The following PACC1 variants were observed in gnomAD, a reference collection of about 807,000 sequenced individuals.
The protein encoded by PACC1 is proton activated chloride channel 1.
In PACC1, 34 loss-of-function variants were observed where a neutral mutation model predicts 39.7. The ratio of observed to expected loss-of-function variants is 0.86; its 90% CI spans 0.65 to 1.14. The LOEUF (loss-of-function observed/expected upper bound fraction) is 1.14, where lower values mean the gene tolerates loss of function less well. PACC1 is among the 50% of genes most tolerant of loss of function. The pLI, the probability that PACC1 is intolerant of heterozygous loss-of-function variation, is 0.00. For missense variants in PACC1, 379 were observed against 436.4 expected (o/e 0.87, Z 1.17); for synonymous variants, 127 against 160.6 (o/e 0.79, Z 1.58).
rs1662277546 is a variant in PACC1 at position 212,414,862 on chromosome 1, A to T, written c.-105T>A. The T allele has an allele frequency of 3.3e-6, 5 of 1,498,302 alleles. No homozygotes were observed. Among genetic ancestry groups the T allele is most frequent in the Non-Finnish European group, 4.6e-6 (5 of 1,091,368 alleles). 92.8% of individuals were successfully genotyped at this position (1,498,302 alleles called of 1,614,324 possible). On this transcript the variant is annotated 5_prime_UTR_variant, in exon 1 of 8. Transcript: ENST00000261455. Reference sequence around the variant, plus strand: ...GGACCTACCGGCTCCGCGAGGCGAAACCGGTCCGGAGGGGCGTCCCAGAGA... The same window carrying T: ...GGACCTACCGGCTCCGCGAGGCGAATCCGGTCCGGAGGGGCGTCCCAGAGA...
At chr1:212,365,412 T>A in intron 7 of PACC1, 36 bp from the exon 8 acceptor site, 1 of 1,560,788 alleles carries the variant, frequency 6.4e-7, no homozygotes, top group Non-Finnish European at 8.6e-7. Context: ...GATTACTGGT[T>A]TGCTTCAGTC....
rs747189039 is a variant in PACC1, at chr1:212,381,672, GCACAGACACACACACACACACTGCACA to G, written c.496-1662_496-1636del. ...TCCACCTTCCCAGGCCTGGGCATGT[GCACAGACACACACACACACACTGCACA>G]CACACACACACACACACACACACAC... On this transcript the variant is annotated intron_variant, in intron 4 of 7. Transcript: ENST00000261455. Among the ~76,000 whole-genome samples, 133 of 140,518 alleles carry G rather than the reference GCACAGACACACACACACACACTGCACA, an allele frequency of 9.5e-4. 3 individuals carry two copies. The highest frequency in any genetic ancestry group is 9.0e-4 in the South Asian group (4 of 4,452). 92.2% of individuals were successfully genotyped at this position (140,518 alleles called of 152,430 possible). A position where few individuals can be genotyped will look rare whatever the true frequency, so the allele number is the denominator to read the frequency against.
chr1:212,401,710 G>T (rs1308934345), intron 2 of PACC1, among the ~76,000 whole-genome samples: 1 of 129,484 alleles, frequency 7.7e-6, no homozygotes, highest in Non-Finnish European at 1.6e-5. Flanking sequence ...GTCTCCCTCT[G>T]TCACCCAGGC....
At chr1:212,394,580 G>A (rs1661444476) in intron 2 of PACC1, among the ~76,000 whole-genome samples, 1 of 152,134 alleles carries the variant, frequency 6.6e-6, no homozygotes, top group Non-Finnish European at 1.5e-5. Flanking sequence ...TGGAAGTTCT[G>A]GCCAGGGCAA....
At chr1:212,374,997 T>A (rs532032722) in intron 7 of PACC1, among the ~76,000 whole-genome samples, 196 bp downstream of exon 7, 1 of 152,262 alleles carries the variant, frequency 6.6e-6, no homozygotes, top group East Asian at 1.9e-4. Flanking sequence ...ATATATAACA[T>A]TGATGTCATA....
chr1:212,380,389 T>C lies in PACC1; in HGVS notation c.496-352A>G, dbSNP rs890820421. ...CTTTTAACTTTGTTTCCAATGTCATTTGTCCTATGGAAACTTTAAATTTAA... is the reference window on the plus strand; with the variant it reads ...CTTTTAACTTTGTTTCCAATGTCATCTGTCCTATGGAAACTTTAAATTTAA... On this transcript the variant is annotated intron_variant, in intron 4 of 7. Transcript: ENST00000261455. Among the ~76,000 whole-genome samples the C allele has an allele frequency of 7.9e-5, 12 of 152,238 alleles. No individual in the cohort carries two copies. In the South Asian group the frequency reaches 1.0e-3, roughly 13 times the overall value.
rs1472780139 is a variant in PACC1 at position 212,364,147 on chromosome 1, T to C, written c.*1068A>G. ...CCTTAATGTGAAAAATAGACTTTTT[T>C]TTAATGCATACTCATTTCTGTCAAA... On this transcript the variant is annotated 3_prime_UTR_variant, in exon 8 of 8. Coordinates refer to ENST00000261455, the MANE Select transcript of PACC1 (RefSeq NM_018252.3). 1 of 152,358 alleles carries C rather than the reference T, an allele frequency of 6.6e-6. No homozygotes were observed. Among genetic ancestry groups the C allele is most frequent in the East Asian group, 1.9e-4 (1 of 5,182 alleles). The allele number at this position is 152,358 out of a possible 1,614,324, so 9.4% of individuals were successfully genotyped here. A position where few individuals can be genotyped will look rare whatever the true frequency, so the allele number is the denominator to read the frequency against.
At chr1:212,397,972 T>C (rs1197889407) in intron 2 of PACC1, among the ~76,000 whole-genome samples, 1 of 152,222 alleles carries the variant, frequency 6.6e-6, no homozygotes, top group Non-Finnish European at 1.5e-5. Flanking sequence ...GACAAGTTAC[T>C]CAGTGCTCCT....
At chr1:212,389,762 T>G (rs1191902787) in intron 2 of PACC1, among the ~76,000 whole-genome samples, 1 of 152,092 alleles carries the variant, frequency 6.6e-6, no homozygotes, top group Non-Finnish European at 1.5e-5. Context: ...ATTGTGGAGA[T>G]GGATGGTGGT....
intron 2 of PACC1, among the ~76,000 whole-genome samples, chr1:212,403,774 AG>A (rs1207359878): frequency 6.6e-6 from 1 of 152,146 alleles, no homozygotes; most frequent in Non-Finnish European, 1.5e-5. Flanking sequence ...CATATTGCCC[AG>A]GCTGGTCTTG....
rs575202578 is a variant in PACC1, at chr1:212,411,834, G to C, written c.37-1313C>G. ...AAATCTCCAGTTTAAAGCCCTCGAA[G>C]CACAAAAGAAAAGGCCAGGTGCGGG... On this transcript the variant is annotated intron_variant, in intron 1 of 7. Transcript: ENST00000261455. 7.2e-5 allele frequency among the ~76,000 whole-genome samples: 11 copies of C among 152,238 alleles called. No homozygotes were observed. The South Asian group carries it at 2.3e-3, about 32-fold the overall frequency.
At chr1:212,398,580 C>T (rs930052764) in intron 2 of PACC1, among the ~76,000 whole-genome samples, 1 of 152,284 alleles carries the variant, frequency 6.6e-6, no homozygotes, top group Middle Eastern at 3.4e-3. Flanking sequence ...ACTGGGGAAA[C>T]CCAATGGGTA....
At chr1:212,405,524 C>T (rs1661877095) in intron 2 of PACC1, among the ~76,000 whole-genome samples, 1 of 152,218 alleles carries the variant, frequency 6.6e-6, no homozygotes, top group Non-Finnish European at 1.5e-5. Context: ...GGTAACCGGC[C>T]TTCTGTCTCT....
intron 2 of PACC1, among the ~76,000 whole-genome samples, chr1:212,408,425 A>G (rs1039996207): frequency 5.3e-5 from 8 of 150,976 alleles, no homozygotes; most frequent in Non-Finnish European, 8.9e-5. Context: ...CAGTGGCATG[A>G]TCTCGTCTCA....
intron 4 of PACC1, among the ~76,000 whole-genome samples, chr1:212,382,225 A>T (rs796711634): frequency 6.6e-6 from 1 of 151,986 alleles, no homozygotes; most frequent in South Asian, 2.1e-4. Context: ...TTTTATTTTT[A>T]GTAGAGACGG....
At chr1:212,411,309 T>A (rs1165823014) in intron 1 of PACC1, among the ~76,000 whole-genome samples, 1 of 151,774 alleles carries the variant, frequency 6.6e-6, no homozygotes, top group African/African-American at 2.4e-5. Flanking sequence ...GAGGGAACAG[T>A]GAAGGTGGTG....
At chr1:212,410,561 T>C (rs775595598) in intron 1 of PACC1, 40 bp from the exon 2 acceptor site, 5 of 1,578,926 alleles carry the variant, frequency 3.2e-6, no homozygotes, top group Non-Finnish European at 3.5e-6. Flanking sequence ...AAGTCAGCTA[T>C]GTCAGCCTTG....
At chr1:212,395,516 C>T (rs1225999967) in intron 2 of PACC1, among the ~76,000 whole-genome samples, 1 of 152,164 alleles carries the variant, frequency 6.6e-6, no homozygotes, top group Non-Finnish European at 1.5e-5. Flanking sequence ...CCATTCAGGA[C>T]ATAGGCATGG....
At chr1:212,410,737 T>C (rs548277707) in intron 1 of PACC1, among the ~76,000 whole-genome samples, 1 of 152,374 alleles carries the variant, frequency 6.6e-6, no homozygotes, top group East Asian at 1.9e-4. Flanking sequence ...CTGTAGCAAG[T>C]ACCACAAACC....
Sources: gnomAD v4.1 joint callset for allele counts (sites outside exome capture counted in the v4.1 genomes callset) on GRCh38, gnomAD v4.1.1 for gene constraint, MANE v1.5 for transcripts, NCBI Gene and HGNC (gene_info 2026-07-23, HGNC 2026-07-21) for gene names.